The following CFAP221 variants were observed in gnomAD, a reference collection of about 807,000 sequenced individuals.
CFAP221 encodes the protein cilia- and flagella-associated protein 221.
In CFAP221, 97 loss-of-function variants were observed where a neutral mutation model predicts 113.1. The observed-to-expected ratio is 0.86, with a 90% CI of 0.73 to 1.02. The LOEUF (loss-of-function observed/expected upper bound fraction) is 1.02, where lower values mean the gene tolerates loss of function less well. Among genes scored for constraint, CFAP221 ranks in the 50% least tolerant of loss-of-function variants. CFAP221 has a pLI of 0.00. For synonymous variants in CFAP221, 331 were observed against 354.4 expected (o/e 0.93, Z 0.74); for missense variants, 1,025 against 1,013.4 (o/e 1.01, Z -0.16).
At position 119,638,304 on chromosome 2, in the gene CFAP221, G is replaced by A; in HGVS notation, c.2020G>A (p.Ala674Thr). 6.2e-7 allele frequency: 1 copy of A among 1,614,092 alleles called. No homozygotes were observed. Among genetic ancestry groups the A allele is most frequent in the Middle Eastern group, 1.6e-4 (1 of 6,062 alleles). ...TGCTGTAATGCATCCTCTGACCTATGCAGAAACGTTGATAGATTACCATCT... is the reference window on the plus strand; with the variant it reads ...TGCTGTAATGCATCCTCTGACCTATACAGAAACGTTGATAGATTACCATCT... The part of the protein sequence containing the change: ...LFAVMHPLTY[A>T]ETLIDYHLCS... Residue 674 changes from alanine to threonine, a missense_variant, in exon 20 of 24, where the codon GCA (alanine) becomes ACA (threonine). Ala to Thr is a moderately conservative substitution (Grantham distance 58). Coordinates refer to ENST00000413369, the MANE Select transcript of CFAP221 (RefSeq NM_001271049.2).
intron 6 of CFAP221, among the ~76,000 whole-genome samples, chr2:119,574,395 A>G (rs1682285613): frequency 1.3e-5 from 2 of 152,248 alleles, no homozygotes; most frequent in South Asian, 4.1e-4. Context: ...ACTGAGAAGT[A>G]AGAAACTTTA....
chr2:119,633,475 C>T lies in CFAP221; in HGVS notation c.1974+2574C>T, dbSNP rs1054661374. 1.5e-4 allele frequency among the ~76,000 whole-genome samples: 23 copies of T among 151,620 alleles called. No individual in the cohort carries two copies. The South Asian group carries it at 3.3e-3, about 22-fold the overall frequency. ...TTGCATATCTGATAAGAACTTGTAT[C>T]CAGAATATATAAGGAACTGTCAAAA... On this transcript the variant is annotated intron_variant, in intron 19 of 23. Transcript: ENST00000413369.
chr2:119,625,716 T>A, intron 15 of CFAP221, 28 bp downstream of exon 15: 3 of 1,543,368 alleles, frequency 1.9e-6, no homozygotes, highest in Non-Finnish European at 2.7e-6. Flanking sequence ...AGCACAGAGA[T>A]GCCGAGACTG....
At chr2:119,611,176 G>A (rs115625969) in intron 12 of CFAP221, among the ~76,000 whole-genome samples, 4,206 of 152,178 alleles carry the variant, frequency 0.028, 73 homozygotes, top group Non-Finnish European at 0.041. Flanking sequence ...AAACTTTACA[G>A]GGATGTTAAA....
chr2:119,549,643 A>G (rs1680286303), intron 3 of CFAP221, among the ~76,000 whole-genome samples: 1 of 152,214 alleles, frequency 6.6e-6, no homozygotes, highest in African/African-American at 2.4e-5. Flanking sequence ...CTCTTGCTCC[A>G]GTCCTGTAGC....
intron 21 of CFAP221, among the ~76,000 whole-genome samples, chr2:119,646,156 A>C (rs949015520): frequency 6.6e-6 from 1 of 152,244 alleles, no homozygotes; most frequent in African/African-American, 2.4e-5. Context: ...GGGGAGGAAG[A>C]TATGAAATGG....
chr2:119,613,451 A>G (rs1261673712), intron 13 of CFAP221, among the ~76,000 whole-genome samples: 2 of 152,222 alleles, frequency 1.3e-5, no homozygotes, highest in Non-Finnish European at 2.9e-5. Flanking sequence ...AGGTGTTTCC[A>G]TACATCCTCT....
intron 19 of CFAP221, among the ~76,000 whole-genome samples, chr2:119,631,492 G>T (rs1038377878): frequency 3.3e-5 from 5 of 152,288 alleles, no homozygotes; most frequent in African/African-American, 9.6e-5. Flanking sequence ...GGCCAACATG[G>T]TGAAACCCTG....
At chr2:119,603,746 G>GT (rs1269562781) in intron 8 of CFAP221, among the ~76,000 whole-genome samples, 1 of 152,026 alleles carries the variant, frequency 6.6e-6, no homozygotes, top group Non-Finnish European at 1.5e-5. Flanking sequence ...TTTCAAAATC[G>GT]TAACTTTGCC....
rs4254512 is a variant in CFAP221 at position 119,584,493 on chromosome 2, G to A, written c.528-2626G>A. 4.1e-3 allele frequency among the ~76,000 whole-genome samples: 627 copies of A among 152,088 alleles called. 17 individuals are homozygous for A. Among genetic ancestry groups the A allele is most frequent in the Admixed American group, 0.037 (560 of 15,270 alleles). ...TCCCAGCTACTCAGGAGACTGAGGT[G>A]GGAGGATCACTTCAGCCCAGAACAT... On this transcript the variant is annotated intron_variant, in intron 6 of 23. Transcript: ENST00000413369.
In CFAP221 at chr2:119,602,558, AACTC is replaced by A. The variant is rs1317425416; in HGVS notation, c.791+1186_791+1189del. On this transcript the variant is annotated intron_variant, in intron 8 of 23. Transcript: ENST00000413369. ...AGTAGCAACCTTATATCAAAATATG[AACTC>A]ACTCCATGATATCTTAGATATTTAT... is the stretch of plus-strand genomic sequence containing the variant. 1.6e-5 allele frequency: 15 copies of A among 929,536 alleles called. No individual in the cohort carries two copies. In the South Asian group the frequency reaches 2.0e-4, roughly 12 times the overall value. 57.6% of individuals were successfully genotyped at this position (929,536 alleles called of 1,614,324 possible). A position where few individuals can be genotyped will look rare whatever the true frequency, so the allele number is the denominator to read the frequency against.
intron 5 of CFAP221, among the ~76,000 whole-genome samples, chr2:119,560,472 G>A (rs1183844395): frequency 1.3e-5 from 2 of 152,306 alleles, no homozygotes; most frequent in East Asian, 3.9e-4. Context: ...GGGGATGGGG[G>A]TGGTTCCGGG....
chr2:119,576,393 A>T (rs559914861), intron 6 of CFAP221, among the ~76,000 whole-genome samples: 1 of 151,780 alleles, frequency 6.6e-6, no homozygotes, highest in East Asian at 1.9e-4. Flanking sequence ...TGTGTTGTTC[A>T]CCTCTGTGTG....
In CFAP221 at chr2:119,630,564, C is replaced by A; in HGVS notation, c.1732-6C>A. 1 of 1,589,030 alleles carries A rather than the reference C, an allele frequency of 6.3e-7. No individual in the cohort carries two copies. Among genetic ancestry groups the A allele is most frequent in the Non-Finnish European group, 8.6e-7 (1 of 1,157,926 alleles). ...TTAAGGATTTTCAATCTTCTTTCAC[C>A]TTCAGGTTCCTCAACTGTACAAAAT... On this transcript the variant is annotated splice_polypyrimidine_tract_variant and splice_region_variant and intron_variant, in intron 17 of 23. Coordinates refer to ENST00000413369, the MANE Select transcript of CFAP221 (RefSeq NM_001271049.2).
At chr2:119,554,595 A>G (rs1300467186) in intron 3 of CFAP221, among the ~76,000 whole-genome samples, 1 of 152,186 alleles carries the variant, frequency 6.6e-6, no homozygotes, top group African/African-American at 2.4e-5. Flanking sequence ...TTAGAGACCT[A>G]TTCTATTACA....
intron 6 of CFAP221, among the ~76,000 whole-genome samples, chr2:119,575,625 C>T (rs989940551): frequency 1.3e-4 from 20 of 152,048 alleles, no homozygotes; most frequent in Non-Finnish European, 2.4e-4. Context: ...ATGAATATAG[C>T]ATTTCAGTTT....
intron 6 of CFAP221, among the ~76,000 whole-genome samples, chr2:119,566,849 T>C (rs1404360066): frequency 6.6e-6 from 1 of 152,150 alleles, no homozygotes; most frequent in Non-Finnish European, 1.5e-5. Context: ...TTTTTTTCCT[T>C]CTAAGTTTTA....
At chr2:119,582,455 A>C (rs1047871749) in intron 6 of CFAP221, among the ~76,000 whole-genome samples, 3 of 148,066 alleles carry the variant, frequency 2.0e-5, no homozygotes, top group African/African-American at 7.7e-5. Context: ...AGTAAGACAT[A>C]TCTTTTTTTT....
chr2:119,568,862 T>C (rs1681835260), intron 6 of CFAP221, among the ~76,000 whole-genome samples: 1 of 152,224 alleles, frequency 6.6e-6, no homozygotes, highest in Admixed American at 6.5e-5. Context: ...AAAGAACTTC[T>C]TTTAACGTTT....
Sources: gnomAD v4.1 joint callset for allele counts (sites outside exome capture counted in the v4.1 genomes callset) on GRCh38, gnomAD v4.1.1 for gene constraint, MANE v1.5 for transcripts, NCBI Gene and HGNC (gene_info 2026-07-23, HGNC 2026-07-21) for gene names.